Variants in RNFT2 observed in about 807,000 individuals in gnomAD.
RNFT2 encodes E3 ubiquitin-protein ligase RNFT2.
Under a neutral mutation model 53.0 loss-of-function variants are expected in RNFT2, and 36 were observed. That is an observed-to-expected ratio of 0.68 (90% CI 0.52 to 0.90). The LOEUF is 0.90. Among genes scored for constraint, RNFT2 ranks in the 40% least tolerant of loss-of-function variants. The pLI is 0.00. For synonymous variants in RNFT2, 260 were observed against 253.2 expected, an observed-to-expected ratio of 1.03 and a Z score of -0.26; for missense variants, 514 against 585.6, an observed-to-expected ratio of 0.88 and a Z score of 1.26.
chr12:116,754,123 C>A, intron 5 of RNFT2, 63 bp downstream of exon 5: 1 of 1,359,838 alleles, frequency 7.4e-7, no homozygotes, highest in Non-Finnish European at 1.1e-6. Flanking sequence ...AAGCCAGGCA[C>A]AGTCTTCCCG....
rs911926365 is a variant in RNFT2, at chr12:116,853,622, G to A, written c.*4174G>A. 1 of 157,326 alleles carries A rather than the reference G, an allele frequency of 6.4e-6. No individual in the cohort carries two copies. Among genetic ancestry groups the A allele is most frequent in the African/African-American group, 2.4e-5 (1 of 41,742 alleles). The allele number at this position is 157,326 out of a possible 1,614,324, so 9.7% of individuals were successfully genotyped here. A position where few individuals can be genotyped will look rare whatever the true frequency, so the allele number is the denominator to read the frequency against. On this transcript the variant is annotated 3_prime_UTR_variant, in exon 11 of 11. Transcript: ENST00000257575. The stretch of plus-strand genomic sequence containing the variant: ...ACCCTTCAGCCAATAAATACCATCT[G>A]TTGGTGCAACTTGTGTTTGTGGTCT...
chr12:116,842,061 G>A (rs575362316), intron 10 of RNFT2, among the ~76,000 whole-genome samples: 2 of 149,122 alleles, frequency 1.3e-5, no homozygotes, highest in Admixed American at 6.8e-5. Flanking sequence ...GTATTACCAG[G>A]GCTGTGGTCC....
At chr12:116,763,884 G>A (rs1403089504) in intron 5 of RNFT2, among the ~76,000 whole-genome samples, 1 of 151,748 alleles carries the variant, frequency 6.6e-6, no homozygotes, top group African/African-American at 2.4e-5. Flanking sequence ...GTCATTATAC[G>A]AAAAAAATAC....
Position 116,754,077 on chromosome 12 carries a change from C to A in RNFT2, c.627+17C>A. 1 of 1,604,984 alleles carries A rather than the reference C, an allele frequency of 6.2e-7. No individual in the cohort carries two copies. The highest frequency in any genetic ancestry group is 8.5e-7 in the Non-Finnish European group (1 of 1,172,196). On this transcript the variant is annotated intron_variant, in intron 5 of 10. Transcript: ENST00000257575. ...TCACTGAAGGTGAGTCACTTTCCGACCTAGTCTCCTGTGGCTGCTGCAACA... is the reference window on the plus strand; with the variant it reads ...TCACTGAAGGTGAGTCACTTTCCGAACTAGTCTCCTGTGGCTGCTGCAACA...
intron 3 of RNFT2, among the ~76,000 whole-genome samples, chr12:116,747,522 C>T (rs1003384551): frequency 6.6e-6 from 1 of 151,898 alleles, no homozygotes; most frequent in Non-Finnish European, 1.5e-5. Context: ...GTGAGACCCC[C>T]GTCTCACTCT....
At chr12:116,783,961 T>A (rs1235068476) in intron 7 of RNFT2, among the ~76,000 whole-genome samples, 1 of 152,206 alleles carries the variant, frequency 6.6e-6, no homozygotes, top group Non-Finnish European at 1.5e-5. Flanking sequence ...CATGACCACA[T>A]CCCTGTGAAC....
At chr12:116,768,728 T>C (rs1226119984) in intron 6 of RNFT2, among the ~76,000 whole-genome samples, 4 of 148,626 alleles carry the variant, frequency 2.7e-5, no homozygotes, top group Non-Finnish European at 4.4e-5. Context: ...TTTTTTATTT[T>C]TCTCTCTCTT....
intron 5 of RNFT2, among the ~76,000 whole-genome samples, chr12:116,760,177 G>A (rs1171558394): frequency 6.6e-6 from 1 of 152,232 alleles, no homozygotes; most frequent in Middle Eastern, 3.4e-3. Flanking sequence ...CAAAACGAAG[G>A]GCCGGTCTCA....
At chr12:116,810,079 T>C (rs924864909) in intron 7 of RNFT2, among the ~76,000 whole-genome samples, 7 of 152,194 alleles carry the variant, frequency 4.6e-5, no homozygotes, top group Non-Finnish European at 7.3e-5. Context: ...TGCAGATATA[T>C]TGGACACCCC....
At chr12:116,834,311 G>A (rs1197468300) in intron 8 of RNFT2, among the ~76,000 whole-genome samples, 1 of 151,988 alleles carries the variant, frequency 6.6e-6, no homozygotes, top group Non-Finnish European at 1.5e-5. Context: ...TAGAGACAGG[G>A]TTTCACCATG....
intron 7 of RNFT2, among the ~76,000 whole-genome samples, chr12:116,806,397 T>TAGATAGATAGATAGATAG (rs61274161): frequency 2.5e-4 from 33 of 131,662 alleles, no homozygotes; most frequent in South Asian, 7.6e-4. Flanking sequence ...TATATATATA[T>TAGATAGATAGATAGATAG]ATAGATAGAT....
chr12:116,840,800 A>G (rs1219333294), intron 10 of RNFT2, among the ~76,000 whole-genome samples: 1 of 152,166 alleles, frequency 6.6e-6, no homozygotes, highest in Admixed American at 6.5e-5. Context: ...ATAGGGCTGT[A>G]TATGGGTTTT....
chr12:116,750,085 C>G lies in RNFT2; in HGVS notation c.328C>G (p.Arg110Gly), dbSNP rs770176100. 1.3e-6 allele frequency: 2 copies of G among 1,549,212 alleles called. No individual in the cohort carries two copies. Among genetic ancestry groups the G allele is most frequent in the Non-Finnish European group, 1.7e-6 (2 of 1,151,894 alleles). ...GGGCGAGGGGGGCGCCTACCACCAC[C>G]GCCAGCCCCACCACCATTTCCACCA... Reference protein sequence around the residue: ...GRGEGGAYHHRQPHHHFHHGG... With the variant: ...GRGEGGAYHHGQPHHHFHHGG... The change falls in exon 4 of 11, where the codon CGC becomes GGC. Residue 110 changes from arginine (R) to glycine (G), a missense_variant. Around this residue, in one of 3 missense-constraint regions of RNFT2, gnomAD observed 237 missense variants for 235.1 expected, o/e 1.01. Transcript: ENST00000257575.
chr12:116,760,304 C>T (rs561359662), intron 5 of RNFT2, among the ~76,000 whole-genome samples: 3 of 152,312 alleles, frequency 2.0e-5, no homozygotes, highest in East Asian at 1.9e-4. Flanking sequence ...GGGTTTAGTT[C>T]GTGCCGCCGC....
chr12:116,801,804 TTTTG>T (rs150647298), intron 7 of RNFT2, among the ~76,000 whole-genome samples: 25,951 of 148,132 alleles, frequency 0.18, 4,017 homozygotes, highest in African/African-American at 0.42. Flanking sequence ...GTGGGGTTTT[TTTTG>T]TTTGTTTGTT....
intron 10 of RNFT2, 122 bp from the exon 11 acceptor site, chr12:116,849,192 C>A (rs1463257519): frequency 1.4e-6 from 1 of 702,348 alleles, no homozygotes; most frequent in Non-Finnish European, 2.4e-6. Flanking sequence ...CTCCCCAACG[C>A]GAGTGCAGGC....
At chr12:116,810,187 G>T (rs1875301292) in intron 7 of RNFT2, among the ~76,000 whole-genome samples, 1 of 152,166 alleles carries the variant, frequency 6.6e-6, no homozygotes, top group Non-Finnish European at 1.5e-5. Context: ...CAAGGAAGCA[G>T]TCACTCCAAG....
intron 7 of RNFT2, among the ~76,000 whole-genome samples, chr12:116,781,425 CT>C (rs1873692729): frequency 1.3e-5 from 2 of 152,154 alleles, no homozygotes; most frequent in African/African-American, 4.8e-5. Flanking sequence ...TGACAAATTG[CT>C]ACAAACTTAG....
chr12:116,760,806 C>T (rs1872665825), intron 5 of RNFT2, among the ~76,000 whole-genome samples: 1 of 152,122 alleles, frequency 6.6e-6, no homozygotes, highest in Admixed American at 6.5e-5. Context: ...TGCGAGCTGC[C>T]GCCCGCTGCT....
Sources: gnomAD v4.1 joint callset for allele counts (sites outside exome capture counted in the v4.1 genomes callset) on GRCh38, gnomAD v4.1.1 for gene constraint, gnomAD v4.1.1 regional missense constraint, MANE v1.5 for transcripts, NCBI Gene and HGNC (gene_info 2026-07-23, HGNC 2026-07-21) for gene names.